The following AKR1E2 variants were observed in gnomAD, a reference collection of about 807,000 sequenced individuals.
AKR1E2 encodes the protein 1,5-anhydro-D-fructose reductase.
A neutral mutation model predicts 41.9 loss-of-function variants in AKR1E2; 43 were observed. That is an observed-to-expected ratio of 1.03 (90% confidence interval 0.80 to 1.32). AKR1E2 has a LOEUF of 1.32. Ranked by LOEUF, AKR1E2 falls within the 40% of genes most tolerant of loss-of-function variation. AKR1E2 has a pLI of 0.00. For missense variants in AKR1E2, 423 were observed against 396.5 expected (o/e 1.07, Z -0.57); for synonymous variants, 121 against 138.9 (o/e 0.87, Z 0.91).
At chr10:4,842,315 T>C (rs2131553843) in intron 7 of AKR1E2, 106 bp from the exon 8 acceptor site, 1 of 960,146 alleles carries the variant, frequency 1.0e-6, no homozygotes, top group East Asian at 2.5e-5. Context: ...GCTGCTGTCA[T>C]TGATTCTTGG....
At chr10:4,844,366 G>A (rs1261442036) in intron 8 of AKR1E2, among the ~76,000 whole-genome samples, 1 of 152,212 alleles carries the variant, frequency 6.6e-6, no homozygotes, top group African/African-American at 2.4e-5. Flanking sequence ...TAAAGGCAGT[G>A]TGGACCCAAA....
chr10:4,829,826 A>G (rs1294657414), intron 1 of AKR1E2, among the ~76,000 whole-genome samples: 1 of 152,106 alleles, frequency 6.6e-6, no homozygotes, highest in Non-Finnish European at 1.5e-5. Flanking sequence ...TGTTTATTTT[A>G]CTGAAGTTTT....
At chr10:4,858,078 T>C in the AKR1E2 span, among the ~76,000 whole-genome samples, 1 of 152,204 alleles carries the variant, frequency 6.6e-6, no homozygotes, top group Non-Finnish European at 1.5e-5. Context: ...AGTTAGTTTG[T>C]TGATTTTACC....
In AKR1E2 at chr10:4,846,550, T is replaced by C. The variant is rs1834351610; in HGVS notation, c.838-598T>C. Among the ~76,000 whole-genome samples, 4 of 130,606 alleles carry C rather than the reference T, an allele frequency of 3.1e-5. No individual in the cohort carries two copies. In the South Asian group the frequency reaches 9.4e-4, roughly 31 times the overall value. 85.7% of individuals were successfully genotyped at this position (130,606 alleles called of 152,430 possible). A position where few individuals can be genotyped will look rare whatever the true frequency, so the allele number is the denominator to read the frequency against. ...CAGTGGGAAAAATTCTGTGCCATCC[T>C]TTTTTTTTTTTTTGAGATGGAGTCT... On this transcript the variant is annotated intron_variant, in intron 8 of 9. Coordinates refer to ENST00000298375, the MANE Select transcript of AKR1E2 (RefSeq NM_001040177.3).
At chr10:4,832,368 G>A (rs547399746) in intron 2 of AKR1E2, among the ~76,000 whole-genome samples, 3 of 152,304 alleles carry the variant, frequency 2.0e-5, no homozygotes, top group Admixed American at 1.3e-4. Context: ...ATTGCTATCT[G>A]CACTAGAGCA....
chr10:4,827,604 T>A (rs1022667072), intron 1 of AKR1E2, among the ~76,000 whole-genome samples: 6 of 146,424 alleles, frequency 4.1e-5, no homozygotes, highest in South Asian at 2.2e-4. Context: ...ATTTGATCTT[T>A]AAAAAAAAAA....
chr10:4,854,730 A>G, the AKR1E2 span, among the ~76,000 whole-genome samples: 9 of 152,080 alleles, frequency 5.9e-5, no homozygotes, highest in African/African-American at 2.2e-4. Flanking sequence ...AAAGAATGGG[A>G]TTTGGTAGCA....
At chr10:4,829,099 T>C (rs548305534) in intron 1 of AKR1E2, among the ~76,000 whole-genome samples, 1 of 152,318 alleles carries the variant, frequency 6.6e-6, no homozygotes, top group Admixed American at 6.5e-5. Flanking sequence ...TGGCCATTCT[T>C]GTTTTGTACC....
At position 4,847,508 on chromosome 10, in the gene AKR1E2, A is replaced by G. The variant is rs1225186036; in HGVS notation, c.941A>G (p.Tyr314Cys). 13 of 1,613,660 alleles carry G rather than the reference A, an allele frequency of 8.1e-6. No individual in the cohort carries two copies. The highest frequency in any genetic ancestry group is 2.2e-5 in the South Asian group (2 of 90,924). ...MFPITKNHKD[Y>C]PFHIEY ...TTCAGAACTAAAAATCACAAAGACT[A>G]TCCTTTCCACATAGAATACTGAGGA... Residue 314 changes from tyrosine (Y) to cysteine (C), a missense_variant, in exon 10 of 10, where the codon TAT (tyrosine) becomes TGT (cysteine). Transcript: ENST00000298375.
intron 8 of AKR1E2, 53 bp downstream of exon 8, chr10:4,842,557 G>C (rs1833974990): frequency 6.5e-7 from 1 of 1,538,146 alleles, no homozygotes. Flanking sequence ...TGTTAGATGG[G>C]AAGGGATGAC....
In AKR1E2 at chr10:4,847,814, T is replaced by C; in HGVS notation, c.*284T>C. The C allele has an allele frequency of 2.2e-6, 1 of 446,326 alleles. No individual in the cohort carries two copies. The highest frequency in any genetic ancestry group is 4.0e-6 in the Non-Finnish European group (1 of 252,862). The allele number at this position is 446,326 out of a possible 1,614,324, so 27.6% of individuals were successfully genotyped here. On this transcript the variant is annotated 3_prime_UTR_variant, in exon 10 of 10. Coordinates refer to ENST00000298375, the MANE Select transcript of AKR1E2 (RefSeq NM_001040177.3). ...TTGCCTTCACATTTTAAGAAAACTT[T>C]ATCTTATGGAGTTATTTAAGCCATC...
chr10:4,861,168 G>A, the AKR1E2 span, among the ~76,000 whole-genome samples: 1 of 152,098 alleles, frequency 6.6e-6, no homozygotes, highest in East Asian at 1.9e-4. Context: ...GGAAATTTTT[G>A]TAGGTGCCAC....
the AKR1E2 span, among the ~76,000 whole-genome samples, chr10:4,864,165 G>T: frequency 6.6e-5 from 10 of 152,146 alleles, no homozygotes; most frequent in African/African-American, 2.4e-4. Context: ...CAAAAAAAGA[G>T]AATTTTAGAC....
At chr10:4,852,073 G>C (rs1564282490), downstream of AKR1E2, among the ~76,000 whole-genome samples, 1 of 152,120 alleles carries the variant, frequency 6.6e-6, no homozygotes, top group Non-Finnish European at 1.5e-5. Flanking sequence ...GAAAGAAACA[G>C]AAGAGCTCAT....
Position 4,835,627 on chromosome 10 carries a change from GT to G in AKR1E2, c.325-44del, listed in dbSNP as rs569458647. The stretch of plus-strand genomic sequence containing the variant: ...GGTCTCCTGACACATGGTTTTTTTT[GT>G]TTTGTTTTGTTTTGTTTTCACACAT... On this transcript the variant is annotated intron_variant, in intron 3 of 9. Transcript: ENST00000298375. The G allele has an allele frequency of 8.5e-5, 135 of 1,583,676 alleles. No individual in the cohort carries two copies. In the African/African-American group the frequency reaches 1.5e-3, roughly 17 times the overall value.
chr10:4,843,501 A>G (rs770268124), intron 8 of AKR1E2, among the ~76,000 whole-genome samples: 1 of 152,156 alleles, frequency 6.6e-6, no homozygotes, highest in South Asian at 2.1e-4. Flanking sequence ...CTGCATTTTC[A>G]TAGACAGCAT....
At chr10:4,860,788 C>T in the AKR1E2 span, among the ~76,000 whole-genome samples, 1 of 152,062 alleles carries the variant, frequency 6.6e-6, no homozygotes, top group Admixed American at 6.6e-5. Flanking sequence ...GCTTTATTGG[C>T]TTTTTTTGTT....
intron 8 of AKR1E2, among the ~76,000 whole-genome samples, chr10:4,846,655 C>T (rs1036158315): frequency 4.6e-5 from 7 of 151,854 alleles, no homozygotes; most frequent in African/African-American, 1.7e-4. Flanking sequence ...AAGCGGTTCT[C>T]CTGCCTCAGC....
chr10:4,855,608 T>C, the AKR1E2 span, among the ~76,000 whole-genome samples: 1 of 152,238 alleles, frequency 6.6e-6, no homozygotes, highest in Non-Finnish European at 1.5e-5. Context: ...TCTCTCTGTC[T>C]GTATTTGTAT....
Sources: gnomAD v4.1 joint callset for allele counts (sites outside exome capture counted in the v4.1 genomes callset) on GRCh38, gnomAD v4.1.1 for gene constraint, MANE v1.5 for transcripts, NCBI Gene and HGNC (gene_info 2026-07-23, HGNC 2026-07-21) for gene names.